The following AGBL1 variants were observed in gnomAD, a reference collection of about 807,000 sequenced individuals.
AGBL1 encodes the protein AGBL carboxypeptidase 1.
AGBL1 carries 130 observed loss-of-function variants against 118.9 expected under a neutral mutation model. The observed-to-expected ratio is 1.09, with a 90% CI of 0.95 to 1.26. AGBL1 has a LOEUF of 1.26. Ranked by LOEUF, AGBL1 falls within the 50% of genes most tolerant of loss-of-function variation. The probability of loss-of-function intolerance (pLI) is 0.00; values close to 1 mark genes in which losing one functional copy is unlikely to be tolerated. For missense variants in AGBL1, 1,584 were observed against 1,298.1 expected, an observed-to-expected ratio of 1.22 and a Z score of -3.38; for synonymous variants, 555 against 478.9, an observed-to-expected ratio of 1.16 and a Z score of -2.08.
At chr15:86,943,063 G>T (rs1596657383) in intron 23 of AGBL1, among the ~76,000 whole-genome samples, 1 of 152,064 alleles carries the variant, frequency 6.6e-6, no homozygotes, top group Admixed American at 6.5e-5. Context: ...CCCTACTTTT[G>T]GAACCAAGAT....
intron 15 of AGBL1, 135 bp downstream of exon 15, chr15:86,271,841 GC>G: frequency 1.3e-6 from 1 of 788,914 alleles, no homozygotes; most frequent in Non-Finnish European, 2.1e-6. Flanking sequence ...TGTCCTAATG[GC>G]CAGTGTCCGG....
chr15:86,123,037 A>G (rs1248704025), intron 1 of AGBL1, among the ~76,000 whole-genome samples: 1 of 152,210 alleles, frequency 6.6e-6, no homozygotes, highest in African/African-American at 2.4e-5. Context: ...ATATCTTGAA[A>G]TGGTCCAGCA....
intron 5 of AGBL1, among the ~76,000 whole-genome samples, chr15:86,188,242 A>C (rs753102953): frequency 6.6e-6 from 1 of 152,182 alleles, no homozygotes. Context: ...GGCCCCCCAC[A>C]CTATGGAGCT....
intron 21 of AGBL1, among the ~76,000 whole-genome samples, chr15:86,649,312 A>C (rs1340665510): frequency 1.3e-5 from 2 of 152,156 alleles, no homozygotes; most frequent in Non-Finnish European, 2.9e-5. Flanking sequence ...GTGAAATTGG[A>C]AGTAAGATCA....
chr15:86,922,229 T>G (rs957987373), intron 23 of AGBL1, among the ~76,000 whole-genome samples: 1 of 152,196 alleles, frequency 6.6e-6, no homozygotes, highest in East Asian at 1.9e-4. Flanking sequence ...ACAGAGCAAC[T>G]TCACCAATAA....
chr15:86,674,156 T>A, intron 21 of AGBL1, 117 bp from the exon 22 acceptor site: 1 of 981,564 alleles, frequency 1.0e-6, no homozygotes, highest in Non-Finnish European at 1.5e-6. Flanking sequence ...ACAAATACAA[T>A]TAATTCTCAC....
At chr15:86,416,354 T>C (rs1235247574) in intron 18 of AGBL1, among the ~76,000 whole-genome samples, 2 of 152,168 alleles carry the variant, frequency 1.3e-5, no homozygotes, top group Non-Finnish European at 2.9e-5. Flanking sequence ...TAAATGAAAA[T>C]GTCCAAAGCT....
At chr15:86,160,247 A>G (rs578084284) in intron 5 of AGBL1, among the ~76,000 whole-genome samples, 44 of 151,898 alleles carry the variant, frequency 2.9e-4, no homozygotes, top group Non-Finnish European at 5.4e-4. Flanking sequence ...ACCCTCATCT[A>G]GTAGGTAAAA....
rs1596621065 is a variant in AGBL1, at chr15:86,908,953, T to G, written c.*1659T>G. On this transcript the variant is annotated 3_prime_UTR_variant, in exon 23 of 23. Coordinates refer to ENST00000614907, the MANE Select transcript of AGBL1 (RefSeq NM_001386094.1). Reference sequence around the variant, plus strand: ...GGAAGACCAGTCCTAGTGTCATGGCTGCATGGTGTCAGAGACCTGGCTTCT... The same window carrying G: ...GGAAGACCAGTCCTAGTGTCATGGCGGCATGGTGTCAGAGACCTGGCTTCT... 6.6e-6 allele frequency: 1 copy of G among 152,372 alleles called. No homozygotes were observed. Among genetic ancestry groups the G allele is most frequent in the South Asian group, 2.1e-4 (1 of 4,826 alleles). 9.4% of individuals were successfully genotyped at this position (152,372 alleles called of 1,614,324 possible).
intron 21 of AGBL1, among the ~76,000 whole-genome samples, chr15:86,673,676 A>G (rs1472255336): frequency 2.6e-5 from 4 of 152,180 alleles, no homozygotes; most frequent in Non-Finnish European, 5.9e-5. Context: ...AAGTTTGGTC[A>G]ATTGTTATTA....
intron 21 of AGBL1, among the ~76,000 whole-genome samples, chr15:86,622,131 C>A (rs1193133728): frequency 6.6e-6 from 1 of 152,070 alleles, no homozygotes; most frequent in Non-Finnish European, 1.5e-5. Context: ...AGCTCGAGAC[C>A]AGCCTGGCCA....
At chr15:86,781,489 C>G (rs1471517519) in intron 22 of AGBL1, among the ~76,000 whole-genome samples, 2 of 152,096 alleles carry the variant, frequency 1.3e-5, no homozygotes, top group Non-Finnish European at 2.9e-5. Context: ...GACAGGTGCT[C>G]AAAACCAGTA....
intron 22 of AGBL1, among the ~76,000 whole-genome samples, chr15:86,701,564 T>C (rs1042506309): frequency 6.6e-6 from 1 of 152,098 alleles, no homozygotes; most frequent in Non-Finnish European, 1.5e-5. Flanking sequence ...GTCTCTTGAA[T>C]GGTCTCTAGA....
At chr15:87,029,341 A>C (rs759401122), downstream of AGBL1, among the ~76,000 whole-genome samples, 1 of 151,916 alleles carries the variant, frequency 6.6e-6, no homozygotes, top group Non-Finnish European at 1.5e-5. Flanking sequence ...ACATCCATCA[A>C]TTTAAACATA....
intron 22 of AGBL1, among the ~76,000 whole-genome samples, chr15:86,891,531 A>G (rs2080051833): frequency 6.6e-6 from 1 of 151,948 alleles, no homozygotes; most frequent in Non-Finnish European, 1.5e-5. Context: ...AATGACCCAC[A>G]GATATCCAGT....
At chr15:86,127,299 T>C (rs2076759769) in intron 1 of AGBL1, among the ~76,000 whole-genome samples, 1 of 152,228 alleles carries the variant, frequency 6.6e-6, no homozygotes, top group South Asian at 2.1e-4. Flanking sequence ...TATAACATTG[T>C]GTTTATTATT....
At chr15:86,583,492 T>C (rs2084202799) in intron 21 of AGBL1, among the ~76,000 whole-genome samples, 1 of 152,192 alleles carries the variant, frequency 6.6e-6, no homozygotes, top group Non-Finnish European at 1.5e-5. Flanking sequence ...GTTGCATCCA[T>C]GTTGCTACAG....
chr15:86,867,903 G>A (rs187924374), intron 22 of AGBL1, among the ~76,000 whole-genome samples: 14 of 152,238 alleles, frequency 9.2e-5, no homozygotes, highest in Admixed American at 8.5e-4. Flanking sequence ...ATATCCCAAT[G>A]AACCCAGATT....
At chr15:86,651,346 G>C (rs1231714055) in intron 21 of AGBL1, among the ~76,000 whole-genome samples, 2 of 152,128 alleles carry the variant, frequency 1.3e-5, no homozygotes, top group Non-Finnish European at 2.9e-5. Flanking sequence ...TACTTCTAAG[G>C]CTCATGCTGA....
Sources: allele counts gnomAD v4.1 joint callset (sites outside exome capture counted in the v4.1 genomes callset), GRCh38; gene constraint gnomAD v4.1.1; transcripts MANE v1.5; gene names NCBI Gene and HGNC (gene_info 2026-07-23, HGNC 2026-07-21).